CADM2: variants seen among roughly 807,000 people sequenced by gnomAD.
CADM2 encodes the protein immunoglobulin superfamily member 4D.
CADM2 carries 12 observed loss-of-function variants against 49.8 expected under a neutral mutation model. The ratio of observed to expected loss-of-function variants is 0.24; its 90% confidence interval spans 0.15 to 0.39. The LOEUF is 0.39. Among genes scored for constraint, CADM2 ranks in the 10% least tolerant of loss-of-function variants. The pLI, the probability that CADM2 is intolerant of heterozygous loss-of-function variation, is 1.00. For missense variants in CADM2, 378 were observed against 492.3 expected (o/e 0.77, Z 2.20); for synonymous variants, 214 against 175.4 (o/e 1.22, Z -1.74).
chr3:86,033,330 T>C (rs1408382551), intron 8 of CADM2, among the ~76,000 whole-genome samples: 1 of 151,966 alleles, frequency 6.6e-6, no homozygotes, highest in East Asian at 1.9e-4. Flanking sequence ...AGATGTAGGT[T>C]AAAAAGTCCT....
intron 8 of CADM2, among the ~76,000 whole-genome samples, chr3:86,004,830 C>A (rs940904210): frequency 6.6e-6 from 1 of 152,178 alleles, no homozygotes; most frequent in African/African-American, 2.4e-5. Context: ...GACTGAAGTT[C>A]AGTGGTAACT....
rs953911696 is a variant in CADM2, at chr3:85,079,352, T to A, written c.61+119684T>A. On this transcript the variant is annotated intron_variant, in intron 1 of 9. Transcript: ENST00000383699. ...CATCTTATATTGACATGAACTTTTG[T>A]ATGTGAACTTATAAAATGCATGTGG... Among the ~76,000 whole-genome samples the A allele has an allele frequency of 2.6e-5, 4 of 151,836 alleles. No homozygotes were observed. In the South Asian group the frequency reaches 8.3e-4, roughly 31 times the overall value.
At chr3:85,128,930 A>T (rs1297309949) in intron 1 of CADM2, among the ~76,000 whole-genome samples, 2 of 152,182 alleles carry the variant, frequency 1.3e-5, no homozygotes, top group African/African-American at 4.8e-5. Context: ...GTCACAACAC[A>T]CACATCAGAT....
At chr3:85,761,424 G>A (rs559598597) in intron 2 of CADM2, among the ~76,000 whole-genome samples, 2 of 138,716 alleles carry the variant, frequency 1.4e-5, no homozygotes, top group African/African-American at 5.7e-5. Flanking sequence ...CCAGGCTGGA[G>A]TGCATTCAGT....
chr3:86,061,821 T>A (rs889768289), intron 8 of CADM2, among the ~76,000 whole-genome samples: 2 of 152,150 alleles, frequency 1.3e-5, no homozygotes, highest in East Asian at 3.8e-4. Flanking sequence ...TGAATTAAAA[T>A]AGCTGAAAAT....
At position 85,215,970 on chromosome 3, in the gene CADM2, T is replaced by G. The variant is rs950643167; in HGVS notation, c.61+256302T>G. Among the ~76,000 whole-genome samples, 81 of 152,114 alleles carry G rather than the reference T, an allele frequency of 5.3e-4. 3 individuals carry two copies. Among genetic ancestry groups the G allele is most frequent in the Non-Finnish European group, 5.9e-5 (4 of 68,024 alleles). Reference sequence around the variant, plus strand: ...ATGAGGGAGGAGGAGGGATGGTACATGTGATTCAAGACTGTGTTTCCTTCC... The same window carrying G: ...ATGAGGGAGGAGGAGGGATGGTACAGGTGATTCAAGACTGTGTTTCCTTCC... On this transcript the variant is annotated intron_variant, in intron 1 of 9. Transcript: ENST00000383699.
chr3:85,850,124 T>C (rs1464414566), intron 3 of CADM2, among the ~76,000 whole-genome samples: 1 of 152,040 alleles, frequency 6.6e-6, no homozygotes, highest in Non-Finnish European at 1.5e-5. Flanking sequence ...AGCAAACTAG[T>C]GTAAATAAAT....
At chr3:85,414,607 C>T (rs1025898861) in intron 1 of CADM2, among the ~76,000 whole-genome samples, 1 of 151,946 alleles carries the variant, frequency 6.6e-6, no homozygotes, top group African/African-American at 2.4e-5. Context: ...CCCCCAGTTT[C>T]AGTTTTTTTC....
intron 1 of CADM2, among the ~76,000 whole-genome samples, chr3:85,501,829 G>A (rs2040130119): frequency 6.6e-6 from 1 of 152,038 alleles, no homozygotes; most frequent in Non-Finnish European, 1.5e-5. Context: ...TGTATAAAAT[G>A]TACATTGTAT....
intron 1 of CADM2, among the ~76,000 whole-genome samples, chr3:85,264,622 T>G (rs1376929005): frequency 6.6e-6 from 1 of 152,006 alleles, no homozygotes; most frequent in African/African-American, 2.4e-5. Flanking sequence ...TACACTTAAT[T>G]TTGAAACAAT....
At chr3:85,091,085 TA>T (rs1287313717) in intron 1 of CADM2, among the ~76,000 whole-genome samples, 3 of 152,208 alleles carry the variant, frequency 2.0e-5, no homozygotes, top group African/African-American at 7.2e-5. Flanking sequence ...ATAAAACTGT[TA>T]AATCTATTGG....
chr3:85,025,112 C>T (rs1252641037), intron 1 of CADM2, among the ~76,000 whole-genome samples: 1 of 152,026 alleles, frequency 6.6e-6, no homozygotes, highest in Non-Finnish European at 1.5e-5. Context: ...ACTTAACATT[C>T]CTTATTAACT....
chr3:84,982,993 C>T lies in CADM2; in HGVS notation c.61+23325C>T, dbSNP rs1614659. Among the ~76,000 whole-genome samples, 964 of 150,768 alleles carry T rather than the reference C, an allele frequency of 6.4e-3. 8 individuals are homozygous for T. Among genetic ancestry groups the T allele is most frequent in the African/African-American group, 0.022 (898 of 40,424 alleles). On this transcript the variant is annotated intron_variant, in intron 1 of 9. Transcript: ENST00000383699. ...CAATCTCCTGACCACGTGATCTGCC[C>T]GCTTCAGCCTCCCAAAGTCCTGGGA... is the stretch of plus-strand genomic sequence containing the variant.
intron 8 of CADM2, among the ~76,000 whole-genome samples, chr3:86,018,466 A>G: frequency 6.6e-6 from 1 of 151,870 alleles, no homozygotes; most frequent in Non-Finnish European, 1.5e-5. Context: ...GACTTCCACA[A>G]TGGTTTAACT....
At chr3:86,020,641 T>C (rs370013013) in intron 8 of CADM2, among the ~76,000 whole-genome samples, 4,846 of 151,942 alleles carry the variant, frequency 0.032, 251 homozygotes, top group African/African-American at 0.11. Flanking sequence ...TATCCACCAT[T>C]ATCAAGTGGG....
At chr3:85,179,670 T>C (rs1328696862) in intron 1 of CADM2, among the ~76,000 whole-genome samples, 1 of 152,122 alleles carries the variant, frequency 6.6e-6, no homozygotes, top group Non-Finnish European at 1.5e-5. Context: ...AATTCGTATA[T>C]TGAGGTCTTT....
chr3:85,604,271 A>G (rs901646601), intron 1 of CADM2, among the ~76,000 whole-genome samples: 1 of 151,904 alleles, frequency 6.6e-6, no homozygotes, highest in Non-Finnish European at 1.5e-5. Context: ...CTTTGCTCAG[A>G]GAGATCAGTA....
At chr3:85,943,544 T>G (rs1722247014) in intron 7 of CADM2, among the ~76,000 whole-genome samples, 1 of 151,594 alleles carries the variant, frequency 6.6e-6, no homozygotes, top group African/African-American at 2.4e-5. Flanking sequence ...AGTTTCAGCT[T>G]TCTACATATG....
At chr3:85,873,334 T>C (rs2075999929) in intron 3 of CADM2, among the ~76,000 whole-genome samples, 1 of 152,116 alleles carries the variant, frequency 6.6e-6, no homozygotes. Flanking sequence ...ATAAATCATT[T>C]AAAGAAAGAA....
Sources: allele counts gnomAD v4.1 joint callset (sites outside exome capture counted in the v4.1 genomes callset), GRCh38; gene constraint gnomAD v4.1.1; transcripts MANE v1.5; gene names NCBI Gene and HGNC (gene_info 2026-07-23, HGNC 2026-07-21).